MYO1D: variants seen among roughly 807,000 people sequenced by gnomAD.
The protein encoded by MYO1D is myosin ID, also known as unconventional myosin-Id.
A neutral mutation model predicts 122.0 loss-of-function variants in MYO1D; 83 were observed. The ratio of observed to expected loss-of-function variants is 0.68; its 90% CI spans 0.57 to 0.82. The LOEUF (loss-of-function observed/expected upper bound fraction) is 0.82. Ranked by LOEUF, MYO1D falls within the 40% of genes least tolerant of loss-of-function variation. MYO1D has a pLI of 0.00. For missense variants in MYO1D, 1,157 were observed against 1,269.5 expected (o/e 0.91, Z 1.35); for synonymous variants, 464 against 446.9 (o/e 1.04, Z -0.48).
At chr17:32,692,589 G>T (rs888287705) in intron 16 of MYO1D, among the ~76,000 whole-genome samples, 1 of 152,130 alleles carries the variant, frequency 6.6e-6, no homozygotes, top group Non-Finnish European at 1.5e-5. Context: ...TTTCATCATT[G>T]CCTTTAATAC....
rs1398023300 is a variant in MYO1D at position 32,678,546 on chromosome 17, A to G, written c.2122-19208T>C. Among the ~76,000 whole-genome samples, 43 of 151,244 alleles carry G rather than the reference A, an allele frequency of 2.8e-4. No individual in the cohort carries two copies. In the East Asian group the frequency reaches 7.9e-3, roughly 28 times the overall value. On this transcript the variant is annotated intron_variant, in intron 16 of 21. Coordinates refer to ENST00000318217, the MANE Select transcript of MYO1D (RefSeq NM_015194.3). ...TTCTTGCGATAGTTTACTGAGAATG[A>G]TGATTTCCAATTTCATCCATGTCCC... is the stretch of plus-strand genomic sequence containing the variant.
chr17:32,568,824 C>T (rs1203520512), intron 21 of MYO1D, among the ~76,000 whole-genome samples: 2 of 152,246 alleles, frequency 1.3e-5, no homozygotes, highest in Non-Finnish European at 2.9e-5. Context: ...GTGCACACAC[C>T]TCCAGAGCAG....
intron 16 of MYO1D, among the ~76,000 whole-genome samples, chr17:32,690,494 G>A (rs1250624688): frequency 1.3e-5 from 2 of 152,118 alleles, no homozygotes; most frequent in African/African-American, 2.4e-5. Context: ...TCATTTTTAT[G>A]TGTCGGCATC....
At chr17:32,757,974 A>G (rs530096491) in intron 10 of MYO1D, among the ~76,000 whole-genome samples, 59 of 152,142 alleles carry the variant, frequency 3.9e-4, no homozygotes, top group Non-Finnish European at 6.0e-4. Context: ...TTTGCAAACT[A>G]CAGCATCGAA....
intron 21 of MYO1D, among the ~76,000 whole-genome samples, chr17:32,577,286 G>A (rs554161196): frequency 1.0e-4 from 15 of 150,190 alleles, no homozygotes; most frequent in African/African-American, 2.7e-4. Context: ...TACCGTACCC[G>A]GCCTAATTTT....
intron 21 of MYO1D, among the ~76,000 whole-genome samples, chr17:32,592,262 C>A (rs931265588): frequency 1.3e-5 from 2 of 152,162 alleles, no homozygotes; most frequent in Admixed American, 1.3e-4. Flanking sequence ...AGTGCTTCAC[C>A]TTTTTAACCC....
intron 2 of MYO1D, 96 bp from the exon 3 acceptor site, chr17:32,778,669 G>T: frequency 9.0e-7 from 1 of 1,114,460 alleles, no homozygotes; most frequent in Non-Finnish European, 1.3e-6. Flanking sequence ...TACTGGTGAT[G>T]CATTTAAAAT....
chr17:32,825,329 A>G (rs1332032166), intron 1 of MYO1D, among the ~76,000 whole-genome samples: 1 of 151,996 alleles, frequency 6.6e-6, no homozygotes, highest in Admixed American at 6.6e-5. Flanking sequence ...TTTTGCTCCA[A>G]TGTCTAGGCT....
chr17:32,619,264 T>C (rs2087821795), intron 20 of MYO1D, among the ~76,000 whole-genome samples: 1 of 152,202 alleles, frequency 6.6e-6, no homozygotes. Context: ...CTGTGTAAGA[T>C]GCTGACTTCC....
chr17:32,768,531 T>G (rs971363931), intron 6 of MYO1D, among the ~76,000 whole-genome samples: 6 of 152,234 alleles, frequency 3.9e-5, no homozygotes, highest in Non-Finnish European at 7.3e-5. Flanking sequence ...TCCTCTTGTT[T>G]GGATACAGAG....
chr17:32,788,757 A>C (rs2090323151), intron 1 of MYO1D, among the ~76,000 whole-genome samples: 1 of 151,894 alleles, frequency 6.6e-6, no homozygotes, highest in Non-Finnish European at 1.5e-5. Context: ...TTTCATATGA[A>C]TTTTAGGATT....
At chr17:32,645,873 T>C (rs563196016) in intron 19 of MYO1D, among the ~76,000 whole-genome samples, 9 of 152,330 alleles carry the variant, frequency 5.9e-5, no homozygotes, top group African/African-American at 1.9e-4. Flanking sequence ...TCGGAGAAGT[T>C]TGATCATCTG....
chr17:32,867,388 T>C lies in MYO1D; in HGVS notation c.95+9390A>G, dbSNP rs139674268. Among the ~76,000 whole-genome samples the C allele has an allele frequency of 2.4e-4, 36 of 152,052 alleles. No individual in the cohort carries two copies. The East Asian group carries it at 5.6e-3, about 24-fold the overall frequency. On this transcript the variant is annotated intron_variant, in intron 1 of 21. Coordinates refer to ENST00000318217, the MANE Select transcript of MYO1D (RefSeq NM_015194.3). The stretch of plus-strand genomic sequence containing the variant: ...GAGCTCAATCATATTTCACTTTATA[T>C]TGATCCATTTATTAAGGTATCTCTT...
In MYO1D at chr17:32,746,939, C is replaced by T. The variant is rs542010070; in HGVS notation, c.1539-1654G>A. On this transcript the variant is annotated intron_variant, in intron 12 of 21. Transcript: ENST00000318217. ...TGGCTGGTCTAGGTCATCTCTAAGG[C>T]CTCTATCCAGCTCTGCATTTGCGTC... Among the ~76,000 whole-genome samples, 4 of 152,296 alleles carry T rather than the reference C, an allele frequency of 2.6e-5. No homozygotes were observed. In the East Asian group the frequency reaches 7.7e-4, roughly 29 times the overall value.
At chr17:32,578,506 C>T (rs910474193) in intron 21 of MYO1D, among the ~76,000 whole-genome samples, 2 of 152,212 alleles carry the variant, frequency 1.3e-5, no homozygotes, top group Non-Finnish European at 2.9e-5. Context: ...AACAGATCCT[C>T]GGAACTGGGT....
At chr17:32,729,393 A>G (rs1449878708) in intron 14 of MYO1D, among the ~76,000 whole-genome samples, 1 of 152,212 alleles carries the variant, frequency 6.6e-6, no homozygotes, top group East Asian at 1.9e-4. Context: ...CAAAAGATTT[A>G]TAATCTGGGT....
At position 32,861,526 on chromosome 17, in the gene MYO1D, C is replaced by G. The variant is rs186834772; in HGVS notation, c.95+15252G>C. 1.2e-4 allele frequency among the ~76,000 whole-genome samples: 18 copies of G among 152,146 alleles called. No homozygotes were observed. The East Asian group carries it at 3.5e-3, about 29-fold the overall frequency. On this transcript the variant is annotated intron_variant, in intron 1 of 21. Transcript: ENST00000318217. ...CAGATAGTTAAAAATGTGTTGTCAC[C>G]CTGATGTAAAGCCCTTCAATTGCTC... is the stretch of plus-strand genomic sequence containing the variant.
chr17:32,580,377 G>GT (rs369151079), intron 21 of MYO1D, among the ~76,000 whole-genome samples: 9,139 of 34,576 alleles, frequency 0.26, 1,025 homozygotes, highest in African/African-American at 0.41. Context: ...CACTGAGATT[G>GT]TTTTTTTTTT....
intron 1 of MYO1D, among the ~76,000 whole-genome samples, chr17:32,855,965 C>A (rs1174517063): frequency 1.3e-5 from 2 of 152,164 alleles, no homozygotes; most frequent in Non-Finnish European, 2.9e-5. Context: ...CTTTTACTCT[C>A]ATTTTTAAGG....
Sources: allele counts gnomAD v4.1 joint callset (sites outside exome capture counted in the v4.1 genomes callset), GRCh38; gene constraint gnomAD v4.1.1; transcripts MANE v1.5; gene names NCBI Gene and HGNC (gene_info 2026-07-23, HGNC 2026-07-21).